ADAMTS9: variants seen among roughly 807,000 people sequenced by gnomAD.
ADAMTS9 encodes ADAM metallopeptidase with thrombospondin type 1 motif 9.
A neutral mutation model predicts 257.1 loss-of-function variants in ADAMTS9; 107 were observed. The observed-to-expected ratio is 0.42, with a 90% CI of 0.36 to 0.49. The LOEUF is 0.49. Among genes scored for constraint, ADAMTS9 ranks in the 20% least tolerant of loss-of-function variants. The pLI, the probability that ADAMTS9 is intolerant of heterozygous loss-of-function variation, is 0.03. For missense variants in ADAMTS9, 2,353 were observed against 2,469.1 expected, an observed-to-expected ratio of 0.95 and a Z score of 1.00; for synonymous variants, 982 against 880.9, an observed-to-expected ratio of 1.11 and a Z score of -2.03.
At chr3:64,598,739 T>C (rs758045177) in intron 26 of ADAMTS9, among the ~76,000 whole-genome samples, 3 of 152,194 alleles carry the variant, frequency 2.0e-5, no homozygotes, top group Non-Finnish European at 4.4e-5. Context: ...CCTTTCATGG[T>C]ATAAATAGAT....
At chr3:64,660,891 A>G (rs56145049) in intron 3 of ADAMTS9, among the ~76,000 whole-genome samples, 29,041 of 152,216 alleles carry the variant, frequency 0.19, 3,532 homozygotes, top group Non-Finnish European at 0.27. Context: ...TGAAATTGTG[A>G]AGAATGAAAA....
intron 32 of ADAMTS9, among the ~76,000 whole-genome samples, chr3:64,545,084 C>A (rs1228200910): frequency 6.6e-6 from 1 of 152,098 alleles, no homozygotes; most frequent in Non-Finnish European, 1.5e-5. Flanking sequence ...GTTAGAATGG[C>A]GATTATTAAA....
intron 3 of ADAMTS9, among the ~76,000 whole-genome samples, chr3:64,667,632 G>A (rs969109926): frequency 6.6e-6 from 1 of 152,166 alleles, no homozygotes; most frequent in East Asian, 1.9e-4. Context: ...TTGGGCATGA[G>A]AGCTGGGTGC....
At chr3:64,574,102 T>C (rs2083768303) in intron 28 of ADAMTS9, among the ~76,000 whole-genome samples, 1 of 152,190 alleles carries the variant, frequency 6.6e-6, no homozygotes, top group Non-Finnish European at 1.5e-5. Context: ...AAGGCCGGAA[T>C]GAAAGAACCA....
chr3:64,612,344 A>C (rs1337310074), intron 22 of ADAMTS9, among the ~76,000 whole-genome samples: 1 of 152,150 alleles, frequency 6.6e-6, no homozygotes, highest in Non-Finnish European at 1.5e-5. Context: ...TCCTCTTATT[A>C]TTCCCTAAAA....
intron 22 of ADAMTS9, among the ~76,000 whole-genome samples, chr3:64,609,220 G>A (rs1045283129): frequency 2.0e-5 from 3 of 152,072 alleles, no homozygotes; most frequent in Non-Finnish European, 4.4e-5. Context: ...AACATGACAA[G>A]GATGCCCGCT....
chr3:64,614,976 T>C (rs2084734411), intron 21 of ADAMTS9: 1 of 183,252 alleles, frequency 5.5e-6, no homozygotes, highest in Non-Finnish European at 1.1e-5. Context: ...AGATGTGAGC[T>C]AGTATAGCTT....
chr3:64,590,078 G>C (rs904893073), intron 28 of ADAMTS9: 6 of 152,052 alleles, frequency 3.9e-5, no homozygotes, highest in Non-Finnish European at 7.4e-5. Context: ...AATAAATGGA[G>C]CATGCATATT....
intron 8 of ADAMTS9, among the ~76,000 whole-genome samples, chr3:64,652,774 C>T (rs941862235): frequency 2.0e-5 from 3 of 152,100 alleles, no homozygotes; most frequent in Non-Finnish European, 2.9e-5. Context: ...CATTTAATCA[C>T]TTATTTTACC....
At chr3:64,603,846 G>GC (rs1168827137) in intron 25 of ADAMTS9, 76 bp downstream of exon 25, 13 of 1,470,786 alleles carry the variant, frequency 8.8e-6, no homozygotes, top group Non-Finnish European at 1.0e-5. Context: ...TCCAAGTGGC[G>GC]CCCCCCTCCG....
intron 3 of ADAMTS9, among the ~76,000 whole-genome samples, chr3:64,661,720 T>C (rs1186635596): frequency 6.6e-6 from 1 of 152,184 alleles, no homozygotes. Context: ...AGATTTTTGC[T>C]TTTTACAACA....
intron 30 of ADAMTS9, among the ~76,000 whole-genome samples, chr3:64,555,786 C>T (rs764654114): frequency 3.3e-5 from 5 of 152,058 alleles, no homozygotes; most frequent in African/African-American, 4.8e-5. Flanking sequence ...TCAGCATGCA[C>T]GGTGGCTGGA....
At chr3:64,647,320 G>A (rs192676993) in intron 11 of ADAMTS9, among the ~76,000 whole-genome samples, 3 of 152,248 alleles carry the variant, frequency 2.0e-5, no homozygotes, top group African/African-American at 7.2e-5. Flanking sequence ...AGAAGGTTAA[G>A]TTAATCATAC....
Position 64,550,950 on chromosome 3 carries a change from C to G in ADAMTS9, c.4811G>C (p.Arg1604Pro). 1 of 1,614,184 alleles carries G rather than the reference C, an allele frequency of 6.2e-7. No homozygotes were observed. The highest frequency in any genetic ancestry group is 8.5e-7 in the Non-Finnish European group (1 of 1,180,028). Residue 1604 changes from arginine (R) to proline (P), a missense_variant, in exon 31 of 40, where the codon CGT becomes CCT. Arg to Pro is a moderately radical substitution (Grantham distance 103). Around this residue, in one of 3 missense-constraint regions of ADAMTS9, gnomAD observed 1,402 missense variants for 1,441.4 expected, o/e 0.97. Coordinates refer to ENST00000498707, the MANE Select transcript of ADAMTS9 (RefSeq NM_182920.2). ...GCAGGGTTGCAAACTACAGCTTTCA[C>G]GGTCCACCGGCCGCTTGCTCACGTC... ...RCDVSKRPVDRESCSLQPCEY... is the reference protein window; with the variant it reads ...RCDVSKRPVDPESCSLQPCEY...
intron 12 of ADAMTS9, among the ~76,000 whole-genome samples, chr3:64,638,634 G>T (rs1248859969): frequency 6.6e-6 from 1 of 152,054 alleles, no homozygotes; most frequent in Admixed American, 6.6e-5. Flanking sequence ...CAAAATATGA[G>T]GGCCCCACCT....
intron 26 of ADAMTS9, among the ~76,000 whole-genome samples, chr3:64,601,095 C>T (rs2084451641): frequency 6.6e-6 from 1 of 152,192 alleles, no homozygotes; most frequent in African/African-American, 2.4e-5. Flanking sequence ...TCAAAACATT[C>T]CAAAGCATAC....
Position 64,649,922 on chromosome 3 carries a change from AT to A in ADAMTS9, c.1464-145del, listed in dbSNP as rs1208889141. ...ATGTGCTTTATTCTTTACATCCAAG[AT>A]TAAATCCAGATGCTGAAGTTACATT... On this transcript the variant is annotated intron_variant, in intron 9 of 39. Coordinates refer to ENST00000498707, the MANE Select transcript of ADAMTS9 (RefSeq NM_182920.2). The A allele has an allele frequency of 5.7e-6, 6 of 1,051,754 alleles. 1 individual carries two copies. The highest frequency in any genetic ancestry group is 6.4e-5 in the Admixed American group (2 of 31,292). The allele number at this position is 1,051,754 out of a possible 1,614,324, so 65.2% of individuals were successfully genotyped here.
In ADAMTS9 at chr3:64,658,807, T is replaced by C; in HGVS notation, c.680-16A>G. On this transcript the variant is annotated splice_polypyrimidine_tract_variant and intron_variant, in intron 3 of 39. Coordinates refer to ENST00000498707, the MANE Select transcript of ADAMTS9 (RefSeq NM_182920.2). Reference sequence around the variant, plus strand: ...TTTTTGTGTTCTGTAACAAATCAGATGGTATGCATTACATTTCAAGCCACA... The same window carrying C: ...TTTTTGTGTTCTGTAACAAATCAGACGGTATGCATTACATTTCAAGCCACA... 2.5e-6 allele frequency: 4 copies of C among 1,600,878 alleles called. No homozygotes were observed. The highest frequency in any genetic ancestry group is 1.3e-5 in the African/African-American group (1 of 74,082).
intron 38 of ADAMTS9, among the ~76,000 whole-genome samples, chr3:64,528,496 G>C (rs1187834621): frequency 2.6e-5 from 4 of 152,112 alleles, no homozygotes; most frequent in Non-Finnish European, 5.9e-5. Flanking sequence ...AGCTGAGCTG[G>C]TGCAGCTAAA....
Sources: allele counts gnomAD v4.1 joint callset (sites outside exome capture counted in the v4.1 genomes callset), GRCh38; gene constraint gnomAD v4.1.1; regional missense constraint gnomAD v4.1.1; transcripts MANE v1.5; gene names NCBI Gene and HGNC (gene_info 2026-07-23, HGNC 2026-07-21).